SRPRB: variants seen among roughly 807,000 people sequenced by gnomAD.
SRPRB encodes SRP receptor subunit beta, also known as signal recognition particle receptor subunit beta.
SRPRB carries 20 observed loss-of-function variants against 31.9 expected under a neutral mutation model. The observed-to-expected ratio is 0.63, with a 90% confidence interval of 0.44 to 0.91. SRPRB has a LOEUF of 0.91. Ranked by LOEUF, SRPRB falls within the 40% of genes least tolerant of loss-of-function variation. The pLI is 0.00. For synonymous variants in SRPRB, 146 were observed against 132.8 expected, an observed-to-expected ratio of 1.10 and a Z score of -0.68; for missense variants, 321 against 324.9, an observed-to-expected ratio of 0.99 and a Z score of 0.09.
Position 133,820,068 on chromosome 3 carries a change from A to AG in SRPRB, c.*303dup, listed in dbSNP as rs1419441473. ...GTGACAACAGGCAGACTCCACACAG[A>AG]GAGGATATGATGAGAATATGGCCAT... On this transcript the variant is annotated 3_prime_UTR_variant, in exon 7 of 7. Transcript: ENST00000678299. 3.0e-6 allele frequency: 1 copy of AG among 337,106 alleles called. No homozygotes were observed. Among genetic ancestry groups the AG allele is most frequent in the East Asian group, 5.9e-5 (1 of 16,982 alleles). The allele number at this position is 337,106 out of a possible 1,614,324, so 20.9% of individuals were successfully genotyped here.
chr3:133,823,279 G>A (rs1338523176), downstream of SRPRB, among the ~76,000 whole-genome samples: 1 of 151,600 alleles, frequency 6.6e-6, no homozygotes, highest in African/African-American at 2.4e-5. Flanking sequence ...GTTTTGTCGA[G>A]ACAGAGTCTC....
intron 3 of SRPRB, among the ~76,000 whole-genome samples, chr3:133,809,939 A>G (rs1935229389): frequency 6.6e-6 from 1 of 152,126 alleles, no homozygotes; most frequent in Admixed American, 6.6e-5. Context: ...TATTTCTACT[A>G]TATTTCTATT....
intron 1 of SRPRB, chr3:133,790,834 G>A (rs1237610043): frequency 6.6e-6 from 1 of 152,132 alleles, no homozygotes; most frequent in Non-Finnish European, 1.5e-5. Flanking sequence ...GATGTATGGT[G>A]ATATTGGTGA....
rs1249097344 is a variant in SRPRB, at chr3:133,820,823, C to T, written c.*1057C>T. On this transcript the variant is annotated 3_prime_UTR_variant, in exon 7 of 7. Transcript: ENST00000678299. ...ACAAATGAGTGCACATGTCAGGACT[C>T]AGGTCTAACTCCTTGTCTCCTGAGC... 1.3e-5 allele frequency: 2 copies of T among 152,144 alleles called. No homozygotes were observed. The highest frequency in any genetic ancestry group is 4.8e-5 in the African/African-American group (2 of 41,400). The allele number at this position is 152,144 out of a possible 1,614,324, so 9.4% of individuals were successfully genotyped here.
In SRPRB at chr3:133,819,918, ATTTT is replaced by A. The variant is rs75496501; in HGVS notation, c.*169_*172del. ...AAAGTACTGTTGAAACCAGCTTGGA[ATTTT>A]TTTTTTTTTTTTTTTTAAGTTCAGT... is the stretch of plus-strand genomic sequence containing the variant. On this transcript the variant is annotated 3_prime_UTR_variant, in exon 7 of 7. Coordinates refer to ENST00000678299, the MANE Select transcript of SRPRB (RefSeq NM_001379313.1). The A allele has an allele frequency of 9.7e-4, 523 of 541,392 alleles. No individual in the cohort carries two copies. Among genetic ancestry groups the A allele is most frequent in the Middle Eastern group, 2.0e-3 (4 of 2,016 alleles). 33.5% of individuals were successfully genotyped at this position (541,392 alleles called of 1,614,324 possible).
rs561667822 is a variant in SRPRB, at chr3:133,808,497, C to T, written c.327+674C>T. On this transcript the variant is annotated intron_variant, in intron 3 of 6. Transcript: ENST00000678299. Reference sequence around the variant, plus strand: ...AATTAAATTCTTACTTAATCTGGACCGTGTTAATAGACATTTAGTTTTGTT... The same window carrying T: ...AATTAAATTCTTACTTAATCTGGACTGTGTTAATAGACATTTAGTTTTGTT... 5.9e-5 allele frequency among the ~76,000 whole-genome samples: 9 copies of T among 152,188 alleles called. No homozygotes were observed. In the South Asian group the frequency reaches 6.2e-4, roughly 11 times the overall value.
intron 6 of SRPRB, among the ~76,000 whole-genome samples, 173 bp from the exon 7 acceptor site, chr3:133,819,378 CCT>C (rs1042591684): frequency 2.1e-5 from 3 of 146,312 alleles, no homozygotes; most frequent in African/African-American, 7.4e-5. Context: ...ACCTACCTCA[CCT>C]CTCTGTCCAA....
chr3:133,803,844 A>G (rs115464169), upstream of SRPRB, among the ~76,000 whole-genome samples: 1,453 of 151,960 alleles, frequency 9.6e-3, 7 homozygotes, highest in South Asian at 0.017. Flanking sequence ...TTTTTTAATT[A>G]AAGAAAATGT....
At position 133,811,504 on chromosome 3, in the gene SRPRB, A is replaced by T. The variant is rs190190658; in HGVS notation, c.410+305A>T. 2.2e-3 allele frequency among the ~76,000 whole-genome samples: 341 copies of T among 152,296 alleles called. 20 individuals carry two copies. Among genetic ancestry groups the T allele is most frequent in the Admixed American group, 0.022 (334 of 15,304 alleles). ...AATTTAATAATGTATATGACTATTA[A>T]AATCTGAAAAAAGAATTTTAAAGCT... On this transcript the variant is annotated intron_variant, in intron 4 of 6. Transcript: ENST00000678299.
At chr3:133,797,199 G>C (rs538984291) in intron 1 of SRPRB, among the ~76,000 whole-genome samples, 21 of 152,282 alleles carry the variant, frequency 1.4e-4, no homozygotes, top group African/African-American at 4.8e-4. Flanking sequence ...AACAAAACTA[G>C]AGTTAGTAAA....
At chr3:133,790,454 A>T (rs1934803634) in intron 1 of SRPRB, 1 of 152,352 alleles carries the variant, frequency 6.6e-6, no homozygotes, top group South Asian at 2.1e-4. Context: ...TTCAAATTAC[A>T]GATTTGAAAA....
At chr3:133,805,631 G>A (rs1030180374), upstream of SRPRB, 2 of 447,992 alleles carry the variant, frequency 4.5e-6, no homozygotes, top group Non-Finnish European at 7.7e-6. Context: ...TAAAAGATGT[G>A]TGTGTCCCTC....
At chr3:133,791,909 A>G (rs1320548127) in intron 1 of SRPRB, 1 of 152,252 alleles carries the variant, frequency 6.6e-6, no homozygotes, top group East Asian at 1.9e-4. Flanking sequence ...CAAATATTTT[A>G]TCAGAAAAGT....
In SRPRB at chr3:133,819,951, C is replaced by T. The variant is rs1407754698; in HGVS notation, c.*185C>T. 6.4e-5 allele frequency: 37 copies of T among 578,466 alleles called. No homozygotes were observed. Among genetic ancestry groups the T allele is most frequent in the African/African-American group, 6.3e-4 (33 of 52,228 alleles). The allele number at this position is 578,466 out of a possible 1,614,324, so 35.8% of individuals were successfully genotyped here. A position where few individuals can be genotyped will look rare whatever the true frequency, so the allele number is the denominator to read the frequency against. On this transcript the variant is annotated 3_prime_UTR_variant, in exon 7 of 7. Coordinates refer to ENST00000678299, the MANE Select transcript of SRPRB (RefSeq NM_001379313.1). ...TTTTTTTTTTTTTAAGTTCAGTTCT[C>T]CCTTATGGCTGCCTTTCAAACAAGT...
intron 4 of SRPRB, among the ~76,000 whole-genome samples, chr3:133,814,421 G>A (rs1005228810): frequency 2.0e-5 from 3 of 151,326 alleles, no homozygotes; most frequent in Non-Finnish European, 2.9e-5. Context: ...GTGAGCCACC[G>A]CGCCTGGCCG....
chr3:133,804,095 C>CAAAA (rs1205426598), upstream of SRPRB, among the ~76,000 whole-genome samples: 4 of 58,230 alleles, frequency 6.9e-5, no homozygotes, highest in African/African-American at 1.8e-4. Context: ...GACTCTGTCT[C>CAAAA]AAAAAAAAAA....
chr3:133,814,132 A>ATT (rs928130359), intron 4 of SRPRB, among the ~76,000 whole-genome samples: 31 of 137,832 alleles, frequency 2.2e-4, no homozygotes, highest in African/African-American at 5.9e-4. Context: ...TAAGGCTTGT[A>ATT]TTTTTTTTTT....
At chr3:133,816,091 G>A (rs960799116) in intron 5 of SRPRB, among the ~76,000 whole-genome samples, 3 of 152,174 alleles carry the variant, frequency 2.0e-5, no homozygotes, top group African/African-American at 4.8e-5. Context: ...TTACTGTACA[G>A]CACATTTTAT....
chr3:133,812,933 C>G (rs1039041660), intron 4 of SRPRB, among the ~76,000 whole-genome samples: 1 of 152,176 alleles, frequency 6.6e-6, no homozygotes, highest in Non-Finnish European at 1.5e-5. Context: ...TCAGTTTTCC[C>G]TCACTGAGTA....
Sources: gnomAD v4.1 joint callset for allele counts (sites outside exome capture counted in the v4.1 genomes callset) on GRCh38, gnomAD v4.1.1 for gene constraint, MANE v1.5 for transcripts, NCBI Gene and HGNC (gene_info 2026-07-23, HGNC 2026-07-21) for gene names.